DMD: variants seen among roughly 807,000 people sequenced by gnomAD.
The protein encoded by DMD is dystrophin.
DMD carries 63 observed loss-of-function variants against 330.1 expected under a neutral mutation model. That is an observed-to-expected ratio of 0.19 (90% CI 0.16 to 0.24). DMD has a LOEUF of 0.24. DMD is among the 10% of genes least tolerant of loss of function. The probability of loss-of-function intolerance (pLI) is 1.00; values close to 1 mark genes in which losing one functional copy is unlikely to be tolerated. For synonymous variants in DMD, 1,223 were observed against 959.8 expected, an observed-to-expected ratio of 1.27 and a Z score of -5.07; for missense variants, 3,344 against 2,684.1, an observed-to-expected ratio of 1.25 and a Z score of -5.43.
At chrX:31,940,324 T>G (rs2150041966) in intron 45 of DMD, among the ~76,000 whole-genome samples, 1 of 111,480 alleles carries the variant, frequency 9.0e-6, no homozygotes, top group South Asian at 3.8e-4. Context: ...TCATTTCTCT[T>G]AATTGTGCAG....
At chrX:32,780,697 A>T (rs1376609584) in intron 7 of DMD, among the ~76,000 whole-genome samples, 1 of 111,395 alleles carries the variant, frequency 9.0e-6, no homozygotes, top group Non-Finnish European at 1.9e-5. Flanking sequence ...AATTTAATCT[A>T]TCAGCTTGAT....
At chrX:31,867,807 T>C (rs1378432001) in intron 48 of DMD, among the ~76,000 whole-genome samples, 1 of 111,164 alleles carries the variant, frequency 9.0e-6, no homozygotes, top group Non-Finnish European at 1.9e-5. Context: ...CCGATAATAA[T>C]ATTATGTCAT....
chrX:32,096,295 C>T (rs969614764), intron 44 of DMD, among the ~76,000 whole-genome samples: 1 of 111,607 alleles, frequency 9.0e-6, no homozygotes, highest in Admixed American at 9.6e-5. Context: ...TGAACCCAGG[C>T]TCTTTGACTC....
At chrX:32,265,740 C>T (rs886918178) in intron 43 of DMD, among the ~76,000 whole-genome samples, 1 of 112,620 alleles carries the variant, frequency 8.9e-6, no homozygotes, top group Non-Finnish European at 1.9e-5. Context: ...ATTACTGCCT[C>T]ATTGGATTTG....
At chrX:31,937,985 T>C (rs1309274642) in intron 45 of DMD, among the ~76,000 whole-genome samples, 1 of 111,835 alleles carries the variant, frequency 8.9e-6, no homozygotes. Flanking sequence ...ATGTTCCCAA[T>C]GAAATTAAAG....
At chrX:31,700,599 T>C (rs1446072068) in intron 52 of DMD, among the ~76,000 whole-genome samples, 1 of 112,057 alleles carries the variant, frequency 8.9e-6, no homozygotes. Context: ...GATTGGGTTT[T>C]TACCACTGGT....
At chrX:33,119,543 A>T (rs1372144686) in intron 1 of DMD, among the ~76,000 whole-genome samples, 1 of 112,458 alleles carries the variant, frequency 8.9e-6, no homozygotes. Context: ...GGAAGAGGCA[A>T]TAGCAGTACA....
chrX:32,851,785 C>T (rs942302736), intron 2 of DMD, among the ~76,000 whole-genome samples: 4 of 111,616 alleles, frequency 3.6e-5, no homozygotes, highest in African/African-American at 1.3e-4. Context: ...GCATTGGAAC[C>T]CAGTGCTGCC....
At chrX:33,178,381 C>T (rs2049791943) in intron 1 of DMD, among the ~76,000 whole-genome samples, 1 of 111,681 alleles carries the variant, frequency 9.0e-6, no homozygotes, top group African/African-American at 3.3e-5. Flanking sequence ...CCCTGCTCTA[C>T]CGGCAATGTA....
chrX:32,801,476 G>A (rs2076560932), intron 7 of DMD, among the ~76,000 whole-genome samples: 1 of 111,757 alleles, frequency 8.9e-6, no homozygotes, highest in Non-Finnish European at 1.9e-5. Context: ...TGTTCACTCT[G>A]ATGATAGTTT....
chrX:32,789,299 G>A (rs756131008), intron 7 of DMD, among the ~76,000 whole-genome samples: 3 of 112,342 alleles, frequency 2.7e-5, no homozygotes, highest in Non-Finnish European at 5.6e-5. Flanking sequence ...TTGAAGATGT[G>A]AACAGCAGGC....
intron 1 of DMD, among the ~76,000 whole-genome samples, chrX:33,310,204 A>G (rs2053828737): frequency 9.0e-6 from 1 of 111,596 alleles, no homozygotes; most frequent in Non-Finnish European, 1.9e-5. Flanking sequence ...TCCAATACAG[A>G]AATAATTTAT....
intron 63 of DMD, among the ~76,000 whole-genome samples, chrX:31,223,354 A>C (rs1295118991): frequency 1.8e-5 from 2 of 112,405 alleles, no homozygotes; most frequent in Non-Finnish European, 3.8e-5. Context: ...GTGAAGACTA[A>C]AGTGGTATAG....
intron 7 of DMD, among the ~76,000 whole-genome samples, chrX:32,746,315 A>G (rs1159437224): frequency 1.8e-5 from 2 of 112,209 alleles, no homozygotes; most frequent in Non-Finnish European, 3.8e-5. Flanking sequence ...TGGAAAGTAT[A>G]TGGAAACTAT....
chrX:32,025,805 GT>G (rs2095841992), intron 44 of DMD, among the ~76,000 whole-genome samples: 1 of 111,762 alleles, frequency 8.9e-6, no homozygotes, highest in Non-Finnish European at 1.9e-5. Flanking sequence ...AAGTCAAGAA[GT>G]CTCCCTAAGA....
intron 1 of DMD, among the ~76,000 whole-genome samples, chrX:33,207,298 C>T (rs1328738882): frequency 9.0e-6 from 1 of 111,004 alleles, no homozygotes; most frequent in Non-Finnish European, 1.9e-5. Flanking sequence ...CTAGAGGAGC[C>T]ATCTGGTTTA....
At chrX:32,462,598 TTGTG>T (rs1039618597) in intron 25 of DMD, among the ~76,000 whole-genome samples, 1 of 105,454 alleles carries the variant, frequency 9.5e-6, no homozygotes, top group African/African-American at 4.0e-5. Context: ...TACAGTCATT[TTGTG>T]TGTGTTTTTT....
chrX:33,278,380 T>C (rs1233951519), intron 1 of DMD, among the ~76,000 whole-genome samples: 1 of 111,390 alleles, frequency 9.0e-6, no homozygotes, highest in Non-Finnish European at 1.9e-5. Context: ...CTCATCTTTA[T>C]GTTCATGTGT....
At chrX:31,688,191 G>T (rs1202266461) in intron 52 of DMD, among the ~76,000 whole-genome samples, 1 of 110,682 alleles carries the variant, frequency 9.0e-6, no homozygotes, top group Non-Finnish European at 1.9e-5. Context: ...CCAGTTTTTT[G>T]AAAAGATCAA....
Sources: gnomAD v4.1 joint callset for allele counts (sites outside exome capture counted in the v4.1 genomes callset) on GRCh38, gnomAD v4.1.1 for gene constraint, MANE v1.5 for transcripts, NCBI Gene and HGNC (gene_info 2026-07-23, HGNC 2026-07-21) for gene names.